Variants in AFF2 observed in about 807,000 individuals in gnomAD.
The protein encoded by AFF2 is AF4/FMR2 family member 2.
In AFF2, 14 loss-of-function variants were observed where a neutral mutation model predicts 76.9. That is an observed-to-expected ratio of 0.18 (90% CI 0.12 to 0.28). AFF2 has a LOEUF of 0.28. Ranked by LOEUF, AFF2 falls within the 10% of genes least tolerant of loss-of-function variation. The probability of loss-of-function intolerance (pLI) is 1.00; values close to 1 mark genes in which losing one functional copy is unlikely to be tolerated. For synonymous variants in AFF2, 398 were observed against 366.7 expected, an observed-to-expected ratio of 1.09 and a Z score of -0.98; for missense variants, 868 against 1,001.1, an observed-to-expected ratio of 0.87 and a Z score of 1.79.
chrX:148,738,419 G>A (rs995139367), intron 3 of AFF2, among the ~76,000 whole-genome samples: 3 of 111,351 alleles, frequency 2.7e-5, no homozygotes, highest in African/African-American at 9.8e-5. Context: ...GGTGTTCATA[G>A]TAGCCTTGAA....
chrX:148,879,065 C>T (rs1160365021), intron 7 of AFF2, among the ~76,000 whole-genome samples: 2 of 111,738 alleles, frequency 1.8e-5, no homozygotes, highest in African/African-American at 6.5e-5. Context: ...AAGTCATATA[C>T]GTCAGGGTTC....
intron 1 of AFF2, among the ~76,000 whole-genome samples, chrX:148,607,747 C>G (rs781806088): frequency 1.8e-5 from 2 of 111,614 alleles, no homozygotes; most frequent in Non-Finnish European, 3.8e-5. Flanking sequence ...GACAAGGAAA[C>G]TTGATTTTAT....
intron 8 of AFF2, among the ~76,000 whole-genome samples, chrX:148,894,704 A>G (rs1181582968): frequency 9.0e-6 from 1 of 111,065 alleles, no homozygotes; most frequent in Non-Finnish European, 1.9e-5. Flanking sequence ...GTGTTTCTCA[A>G]AAAACTAAAA....
intron 8 of AFF2, among the ~76,000 whole-genome samples, chrX:148,898,151 C>G (rs1304058879): frequency 2.7e-5 from 3 of 112,218 alleles, no homozygotes; most frequent in Non-Finnish European, 5.6e-5. Flanking sequence ...CTTCTGAATG[C>G]TGTTATCACG....
chrX:148,868,799 T>TA (rs1214112294), intron 7 of AFF2, among the ~76,000 whole-genome samples: 3 of 112,277 alleles, frequency 2.7e-5, no homozygotes, highest in Non-Finnish European at 1.9e-5. Context: ...GCTGCTTCCC[T>TA]AGGAGGGATG....
chrX:148,668,041 G>A (rs2054377740), intron 3 of AFF2, among the ~76,000 whole-genome samples: 1 of 113,071 alleles, frequency 8.8e-6, no homozygotes, highest in Non-Finnish European at 1.9e-5. Flanking sequence ...GGAGGTACAA[G>A]CATTGGGTAA....
chrX:148,694,151 A>G (rs1557261040), intron 3 of AFF2, among the ~76,000 whole-genome samples: 1 of 68,604 alleles, frequency 1.5e-5, no homozygotes, highest in Non-Finnish European at 2.6e-5. Context: ...GGGGAACATC[A>G]CACTCTGGGG....
At chrX:148,775,832 A>C (rs184825188) in intron 3 of AFF2, among the ~76,000 whole-genome samples, 1 of 103,986 alleles carries the variant, frequency 9.6e-6, no homozygotes, top group Admixed American at 1.1e-4. Context: ...CAGATAACTC[A>C]GGATAAATGC....
intron 3 of AFF2, among the ~76,000 whole-genome samples, chrX:148,759,986 C>T (rs1382147007): frequency 8.9e-6 from 1 of 112,132 alleles, no homozygotes; most frequent in Non-Finnish European, 1.9e-5. Flanking sequence ...CTTTGAGCCA[C>T]AGTAGACAGA....
intron 7 of AFF2, among the ~76,000 whole-genome samples, chrX:148,879,803 A>G (rs1438855859): frequency 9.0e-6 from 1 of 111,063 alleles, no homozygotes; most frequent in Non-Finnish European, 1.9e-5. Flanking sequence ...TTCTAAAATC[A>G]TAAGCAGTAC....
At chrX:148,592,576 C>A (rs1293292270) in intron 1 of AFF2, among the ~76,000 whole-genome samples, 1 of 111,223 alleles carries the variant, frequency 9.0e-6, no homozygotes, top group Non-Finnish European at 1.9e-5. Flanking sequence ...TCCAGCTGTA[C>A]CTTCATGAAG....
intron 1 of AFF2, among the ~76,000 whole-genome samples, chrX:148,576,134 A>G (rs1557243407): frequency 9.0e-6 from 1 of 111,673 alleles, no homozygotes; most frequent in Admixed American, 9.6e-5. Flanking sequence ...AGCAGCACCT[A>G]TTACAATTAT....
chrX:148,871,662 G>A (rs377671570), intron 7 of AFF2, among the ~76,000 whole-genome samples: 3 of 111,496 alleles, frequency 2.7e-5, no homozygotes, highest in East Asian at 2.9e-4. Flanking sequence ...GTACTGTTGC[G>A]AGGAACATTG....
intron 3 of AFF2, among the ~76,000 whole-genome samples, chrX:148,706,579 C>T (rs1400678792): frequency 8.9e-6 from 1 of 112,370 alleles, no homozygotes; most frequent in African/African-American, 3.2e-5. Flanking sequence ...TTTTCCAGAT[C>T]AAGAATGTTC....
chrX:148,967,419 G>C (rs782788806), intron 14 of AFF2, among the ~76,000 whole-genome samples: 1 of 112,333 alleles, frequency 8.9e-6, no homozygotes, highest in East Asian at 2.8e-4. Context: ...GTTGGAGCAT[G>C]TGGTTATTTA....
At chrX:148,602,589 G>A (rs1474272282) in intron 1 of AFF2, among the ~76,000 whole-genome samples, 2 of 110,418 alleles carry the variant, frequency 1.8e-5, no homozygotes, top group Non-Finnish European at 3.8e-5. Context: ...ACATTTTGGA[G>A]GTAGGTAGAT....
intron 3 of AFF2, among the ~76,000 whole-genome samples, chrX:148,777,292 T>C (rs1557268661): frequency 8.9e-6 from 1 of 112,137 alleles, no homozygotes; most frequent in African/African-American, 3.2e-5. Flanking sequence ...GGTAGTGTGA[T>C]GCCTCCAGCT....
chrX:148,521,402 ACACACACACT>A lies in AFF2; in HGVS notation c.47+20262_47+20271del, dbSNP rs1557234475. On this transcript the variant is annotated intron_variant, in intron 1 of 20. Transcript: ENST00000370460. ...CACACACACACACACACACACACAC[ACACACACACT>A]CACTGAGACTTTTGCCTGGATCTTG... 9.6e-3 allele frequency among the ~76,000 whole-genome samples: 586 copies of A among 60,966 alleles called. 2 individuals are homozygous for A. The highest frequency in any genetic ancestry group is 0.012 in the Non-Finnish European group (325 of 27,018). 52.9% of individuals were successfully genotyped at this position (60,966 alleles called of 115,157 possible). A position where few individuals can be genotyped will look rare whatever the true frequency, so the allele number is the denominator to read the frequency against.
chrX:148,552,058 T>C (rs1315763415), intron 1 of AFF2, among the ~76,000 whole-genome samples: 1 of 112,819 alleles, frequency 8.9e-6, no homozygotes, highest in Non-Finnish European at 1.9e-5. Flanking sequence ...GCACTGTCTT[T>C]ACTACTCTCC....
Sources: allele counts gnomAD v4.1 joint callset (sites outside exome capture counted in the v4.1 genomes callset), GRCh38; gene constraint gnomAD v4.1.1; transcripts MANE v1.5; gene names NCBI Gene and HGNC (gene_info 2026-07-23, HGNC 2026-07-21).